SLC9A9: variants seen among roughly 807,000 people sequenced by gnomAD.
The protein encoded by SLC9A9 is sodium/hydrogen exchanger 9.
A neutral mutation model predicts 77.8 loss-of-function variants in SLC9A9; 62 were observed. The observed-to-expected ratio is 0.80, with a 90% CI of 0.65 to 0.98. The LOEUF (loss-of-function observed/expected upper bound fraction) is 0.98, where lower values mean the gene tolerates loss of function less well. Ranked by LOEUF, SLC9A9 falls within the 50% of genes least tolerant of loss-of-function variation. SLC9A9 has a pLI of 0.00. For missense variants in SLC9A9, 775 were observed against 774.9 expected (o/e 1.00, Z 0.00); for synonymous variants, 320 against 283.5 (o/e 1.13, Z -1.29).
intron 4 of SLC9A9, among the ~76,000 whole-genome samples, chr3:143,754,293 T>C (rs1324565931): frequency 2.0e-5 from 3 of 152,220 alleles, no homozygotes; most frequent in Non-Finnish European, 4.4e-5. Flanking sequence ...AACCCCAGGG[T>C]CAGGATATGA....
intron 6 of SLC9A9, among the ~76,000 whole-genome samples, chr3:143,638,566 C>A (rs544842190): frequency 4.6e-5 from 7 of 152,164 alleles, no homozygotes; most frequent in African/African-American, 1.7e-4. Flanking sequence ...ATTCTGGCAA[C>A]GGGAAAAGTG....
intron 14 of SLC9A9, among the ~76,000 whole-genome samples, chr3:143,315,090 T>A (rs1231440082): frequency 1.3e-5 from 2 of 152,160 alleles, no homozygotes; most frequent in East Asian, 1.9e-4. Flanking sequence ...AATTACAGAA[T>A]CCTTAATGGC....
chr3:143,754,609 A>T (rs2006862599), intron 4 of SLC9A9, among the ~76,000 whole-genome samples: 1 of 152,190 alleles, frequency 6.6e-6, no homozygotes, highest in African/African-American at 2.4e-5. Context: ...TAAGCGAGCT[A>T]CTGAAAAGGC....
chr3:143,755,399 A>G (rs2006889416), intron 4 of SLC9A9, among the ~76,000 whole-genome samples: 1 of 152,242 alleles, frequency 6.6e-6, no homozygotes, highest in Non-Finnish European at 1.5e-5. Flanking sequence ...GTTCACAGGC[A>G]TCTCACAGCA....
At chr3:143,668,857 T>A (rs558704539) in intron 5 of SLC9A9, among the ~76,000 whole-genome samples, 4 of 152,298 alleles carry the variant, frequency 2.6e-5, no homozygotes, top group South Asian at 4.2e-4. Context: ...TCCATTTCAG[T>A]GCAAAATAAT....
chr3:143,666,474 G>T (rs1010314834), intron 5 of SLC9A9, among the ~76,000 whole-genome samples: 1 of 152,152 alleles, frequency 6.6e-6, no homozygotes, highest in African/African-American at 2.4e-5. Context: ...AGTGTTGGAC[G>T]TTCTGGCAAA....
chr3:143,412,574 C>T (rs2034115450), intron 12 of SLC9A9, among the ~76,000 whole-genome samples: 1 of 152,212 alleles, frequency 6.6e-6, no homozygotes, highest in African/African-American at 2.4e-5. Flanking sequence ...TACACAGTCC[C>T]CCACATCTGG....
At chr3:143,417,509 G>C (rs551931483) in intron 12 of SLC9A9, among the ~76,000 whole-genome samples, 1 of 149,320 alleles carries the variant, frequency 6.7e-6, no homozygotes, top group African/African-American at 2.5e-5. Context: ...GGGAGGAGGG[G>C]GAGAAAGGGA....
At chr3:143,650,347 A>G (rs1440434151) in intron 6 of SLC9A9, among the ~76,000 whole-genome samples, 1 of 152,220 alleles carries the variant, frequency 6.6e-6, no homozygotes, top group Non-Finnish European at 1.5e-5. Flanking sequence ...GAGAGGAAAT[A>G]CGTGTGTGTA....
chr3:143,536,917 G>T (rs919023747), intron 9 of SLC9A9, among the ~76,000 whole-genome samples: 3 of 152,144 alleles, frequency 2.0e-5, no homozygotes, highest in Non-Finnish European at 2.9e-5. Context: ...AACCATCTGG[G>T]AAGCTGGAAA....
Position 143,751,466 on chromosome 3 carries a change from G to A in SLC9A9, c.533+43535C>T, listed in dbSNP as rs147036582. Reference sequence around the variant, plus strand: ...GGCATGCTGCTTTCCAGAGACATCCGATGCTATAAACATATGAAGACCTGG... The same window carrying A: ...GGCATGCTGCTTTCCAGAGACATCCAATGCTATAAACATATGAAGACCTGG... On this transcript the variant is annotated intron_variant, in intron 4 of 15. Coordinates refer to ENST00000316549, the MANE Select transcript of SLC9A9 (RefSeq NM_173653.4). Among the ~76,000 whole-genome samples, 587 of 152,266 alleles carry A rather than the reference G, an allele frequency of 3.9e-3. 7 individuals carry two copies. Among genetic ancestry groups the A allele is most frequent in the African/African-American group, 0.013 (557 of 41,554 alleles).
chr3:143,323,841 G>T (rs1289082294), intron 14 of SLC9A9, among the ~76,000 whole-genome samples: 2 of 151,958 alleles, frequency 1.3e-5, no homozygotes, highest in Non-Finnish European at 2.9e-5. Flanking sequence ...TCAACATACA[G>T]CTCCATTTAT....
rs1355462453 is a variant in SLC9A9 at position 143,266,070 on chromosome 3, T to C, written c.*632A>G. On this transcript the variant is annotated 3_prime_UTR_variant, in exon 16 of 16. Transcript: ENST00000316549. ...GCACACCCAGCCATAGGCAACCCCT[T>C]TGAGCGATGGGAGAAGTAGCATAAG... 1 of 702,382 alleles carries C rather than the reference T, an allele frequency of 1.4e-6. No individual in the cohort carries two copies. The highest frequency in any genetic ancestry group is 2.0e-5 in the Admixed American group (1 of 50,012). The allele number at this position is 702,382 out of a possible 1,614,324, so 43.5% of individuals were successfully genotyped here.
intron 7 of SLC9A9, among the ~76,000 whole-genome samples, chr3:143,577,331 C>T (rs559804232): frequency 6.6e-6 from 1 of 152,304 alleles, no homozygotes; most frequent in East Asian, 1.9e-4. Flanking sequence ...GGTCCCACTG[C>T]CATACCTTAG....
At chr3:143,768,159 C>T (rs1037870898) in intron 4 of SLC9A9, among the ~76,000 whole-genome samples, 1 of 152,086 alleles carries the variant, frequency 6.6e-6, no homozygotes, top group African/African-American at 2.4e-5. Context: ...CTGCCAGACA[C>T]CCAGGGTACA....
chr3:143,643,229 A>T (rs1160744704), intron 6 of SLC9A9, among the ~76,000 whole-genome samples: 1 of 152,210 alleles, frequency 6.6e-6, no homozygotes. Flanking sequence ...CGGCTGTGAC[A>T]GTTGTTTCAA....
At chr3:143,613,249 T>G (rs2038049861) in intron 6 of SLC9A9, among the ~76,000 whole-genome samples, 2 of 152,230 alleles carry the variant, frequency 1.3e-5, no homozygotes, top group South Asian at 4.1e-4. Context: ...TCAAAAAGCA[T>G]CTTAGAATTA....
chr3:143,789,456 C>T (rs1251856159), intron 4 of SLC9A9, among the ~76,000 whole-genome samples: 1 of 152,184 alleles, frequency 6.6e-6, no homozygotes, highest in Admixed American at 6.5e-5. Flanking sequence ...CAGGGTCACT[C>T]TTCCCTGGGT....
intron 6 of SLC9A9, among the ~76,000 whole-genome samples, chr3:143,620,025 G>A (rs1293757943): frequency 1.3e-5 from 2 of 152,114 alleles, no homozygotes; most frequent in Non-Finnish European, 2.9e-5. Context: ...TAACACAGCT[G>A]TATCTTAGCC....
Sources: allele counts gnomAD v4.1 joint callset (sites outside exome capture counted in the v4.1 genomes callset), GRCh38; gene constraint gnomAD v4.1.1; transcripts MANE v1.5; gene names NCBI Gene and HGNC (gene_info 2026-07-23, HGNC 2026-07-21).